MECOM: variants seen among roughly 807,000 people sequenced by gnomAD.
MECOM encodes histone-lysine N-methyltransferase MECOM.
MECOM carries 13 observed loss-of-function variants against 116.3 expected under a neutral mutation model. The ratio of observed to expected loss-of-function variants is 0.11; its 90% CI spans 0.07 to 0.18. The LOEUF (loss-of-function observed/expected upper bound fraction) is 0.18, where lower values mean the gene tolerates loss of function less well. MECOM is among the 10% of genes least tolerant of loss of function. The probability of loss-of-function intolerance (pLI) is 1.00; values close to 1 mark genes in which losing one functional copy is unlikely to be tolerated. For missense variants in MECOM, 1,299 were observed against 1,509.0 expected, an observed-to-expected ratio of 0.86 and a Z score of 2.31; for synonymous variants, 528 against 535.2, an observed-to-expected ratio of 0.99 and a Z score of 0.19.
chr3:169,211,810 G>C (rs545758790), intron 2 of MECOM, among the ~76,000 whole-genome samples: 5 of 152,252 alleles, frequency 3.3e-5, no homozygotes, highest in African/African-American at 1.2e-4. Flanking sequence ...CAAAAGTCCA[G>C]ACCTTTGTAT....
intron 2 of MECOM, among the ~76,000 whole-genome samples, chr3:169,267,911 G>A (rs1758509918): frequency 1.3e-5 from 2 of 152,002 alleles, no homozygotes; most frequent in African/African-American, 2.4e-5. Context: ...CCCACTTAAA[G>A]AATTTACATT....
At chr3:169,145,204 CTCT>C (rs1739490908) in intron 2 of MECOM, 2 of 551,818 alleles carry the variant, frequency 3.6e-6, no homozygotes, top group Non-Finnish European at 6.3e-6. Context: ...AGAAATCAAA[CTCT>C]TCTTTTTCAA....
At chr3:169,573,187 G>A (rs1290139242) in intron 1 of MECOM, among the ~76,000 whole-genome samples, 1 of 152,142 alleles carries the variant, frequency 6.6e-6, no homozygotes, top group Non-Finnish European at 1.5e-5. Context: ...AGGCTACACA[G>A]GAGGAGGGAG....
intron 1 of MECOM, among the ~76,000 whole-genome samples, chr3:169,534,665 C>T (rs1344983026): frequency 6.6e-6 from 1 of 152,214 alleles, no homozygotes; most frequent in Non-Finnish European, 1.5e-5. Flanking sequence ...TGAGCAAACT[C>T]GTAGTGCTTA....
intron 1 of MECOM, among the ~76,000 whole-genome samples, chr3:169,604,771 CCTCTAGAGGA>C (rs1032561075): frequency 1.2e-4 from 18 of 152,094 alleles, no homozygotes; most frequent in Non-Finnish European, 2.5e-4. Context: ...CATGAGCTGC[CCTCTAGAGGA>C]AGTTGACAGA....
intron 2 of MECOM, among the ~76,000 whole-genome samples, chr3:169,219,218 T>A (rs1234783213): frequency 1.3e-5 from 2 of 152,180 alleles, no homozygotes; most frequent in South Asian, 2.1e-4. Context: ...TAAAAAAAAA[T>A]TTAATAGGCC....
At chr3:169,414,372 C>T (rs565853415) in intron 1 of MECOM, among the ~76,000 whole-genome samples, 2 of 152,240 alleles carry the variant, frequency 1.3e-5, no homozygotes, top group South Asian at 2.1e-4. Context: ...CATGCAAAAC[C>T]TCCATCCAAA....
At chr3:169,472,537 G>T (rs1339240109) in intron 1 of MECOM, among the ~76,000 whole-genome samples, 1 of 68,336 alleles carries the variant, frequency 1.5e-5, no homozygotes, top group East Asian at 3.6e-4. Context: ...GAAAAGAAAA[G>T]GAAAGGAAAG....
At chr3:169,497,407 G>A (rs1244896780) in intron 1 of MECOM, among the ~76,000 whole-genome samples, 1 of 150,698 alleles carries the variant, frequency 6.6e-6, no homozygotes, top group East Asian at 2.0e-4. Context: ...GTGCAGTAGT[G>A]TGATCTCAGC....
At chr3:169,130,569 G>A (rs547470828) in intron 4 of MECOM, among the ~76,000 whole-genome samples, 16 of 147,618 alleles carry the variant, frequency 1.1e-4, no homozygotes, top group South Asian at 4.3e-4. Flanking sequence ...AAGAGAACCC[G>A]CCAAGAGTGG....
Position 169,536,841 on chromosome 3 carries a change from T to G in MECOM, c.37+126495A>C, listed in dbSNP as rs186658202. 2.4e-3 allele frequency among the ~76,000 whole-genome samples: 358 copies of G among 152,306 alleles called. 5 individuals carry two copies. The highest frequency in any genetic ancestry group is 5.4e-4 in the Non-Finnish European group (37 of 68,018). ...TTGAGTGACTACCTTATACAGGAAC[T>G]ATGTGCCTGTAATTGATTTTTCTAA... On this transcript the variant is annotated intron_variant, in intron 1 of 16. Transcript: ENST00000651503.
Position 169,137,849 on chromosome 3 carries a change from C to T in MECOM, c.510+5849G>A, listed in dbSNP as rs143083035. ...TGATAAAGATGCACATTATTATACA[C>T]GAAGCTTACAGTGTACCCAGCCTGA... On this transcript the variant is annotated intron_variant, in intron 3 of 16. Coordinates refer to ENST00000651503, the MANE Select transcript of MECOM (RefSeq NM_004991.4). Among the ~76,000 whole-genome samples, 461 of 152,112 alleles carry T rather than the reference C, an allele frequency of 3.0e-3. 2 individuals carry two copies. Among genetic ancestry groups the T allele is most frequent in the Middle Eastern group, 0.014 (4 of 294 alleles).
chr3:169,210,872 C>T (rs1685640), intron 2 of MECOM, among the ~76,000 whole-genome samples: 138,575 of 152,164 alleles, frequency 0.91, 63,149 homozygotes, highest in Middle Eastern at 0.96. Flanking sequence ...CATATAAATA[C>T]AATTAGAGAG....
chr3:169,371,157 C>T (rs994178034), intron 2 of MECOM, among the ~76,000 whole-genome samples: 2 of 151,924 alleles, frequency 1.3e-5, no homozygotes, highest in Admixed American at 6.6e-5. Flanking sequence ...GGTACATACA[C>T]AATGGAATAC....
At chr3:169,484,274 A>G (rs1751817198) in intron 1 of MECOM, among the ~76,000 whole-genome samples, 4 of 147,560 alleles carry the variant, frequency 2.7e-5, no homozygotes, top group Admixed American at 2.7e-4. Flanking sequence ...TTAAAAAGAA[A>G]CAAAAGAGAA....
rs140055855 is a variant in MECOM at position 169,344,713 on chromosome 3, T to C, written c.375+36474A>G. 2.0e-5 allele frequency among the ~76,000 whole-genome samples: 3 copies of C among 152,344 alleles called. No homozygotes were observed. In the East Asian group the frequency reaches 5.8e-4, roughly 29 times the overall value. ...GCATAATCTATGAGTTTAGTCAGAA[T>C]GAGGTTTCTAAAACAAAAACCACTG... On this transcript the variant is annotated intron_variant, in intron 2 of 16. Transcript: ENST00000651503.
intron 2 of MECOM, among the ~76,000 whole-genome samples, chr3:169,279,930 T>C (rs1252978764): frequency 6.6e-6 from 1 of 152,224 alleles, no homozygotes; most frequent in East Asian, 1.9e-4. Flanking sequence ...ATTTCATTGT[T>C]GTTACAAAAG....
At chr3:169,594,878 GA>G (rs11371795) in intron 1 of MECOM, among the ~76,000 whole-genome samples, 33 of 119,774 alleles carry the variant, frequency 2.8e-4, no homozygotes, top group Non-Finnish European at 3.9e-4. Flanking sequence ...GGATCTAACT[GA>G]AAAAAAAAAA....
At chr3:169,347,672 AT>A in intron 2 of MECOM, among the ~76,000 whole-genome samples, 1 of 152,160 alleles carries the variant, frequency 6.6e-6, no homozygotes, top group South Asian at 2.1e-4. Context: ...TAACAAAAGC[AT>A]TCAATTACTC....
Sources: gnomAD v4.1 joint callset for allele counts (sites outside exome capture counted in the v4.1 genomes callset) on GRCh38, gnomAD v4.1.1 for gene constraint, MANE v1.5 for transcripts, NCBI Gene and HGNC (gene_info 2026-07-23, HGNC 2026-07-21) for gene names.